The following KATNAL1 variants were observed in gnomAD, a reference collection of about 807,000 sequenced individuals.
KATNAL1 encodes the protein katanin p60 ATPase-containing subunit A-like 1.
A neutral mutation model predicts 55.2 loss-of-function variants in KATNAL1; 32 were observed. That is an observed-to-expected ratio of 0.58 (90% CI 0.44 to 0.78). The LOEUF (loss-of-function observed/expected upper bound fraction) is 0.78. Ranked by LOEUF, KATNAL1 falls within the 30% of genes least tolerant of loss-of-function variation. The pLI is 0.00. For synonymous variants in KATNAL1, 193 were observed against 193.6 expected (o/e 1.00, Z 0.02); for missense variants, 466 against 600.9 (o/e 0.78, Z 2.35).
chr13:30,297,304 A>C (rs1048725293), intron 1 of KATNAL1, among the ~76,000 whole-genome samples: 4 of 152,184 alleles, frequency 2.6e-5, no homozygotes, highest in Non-Finnish European at 4.4e-5. Context: ...CCATCAAGAT[A>C]AGATCCCCCC....
chr13:30,213,762 T>G (rs963252626), intron 9 of KATNAL1, among the ~76,000 whole-genome samples: 2 of 152,204 alleles, frequency 1.3e-5, no homozygotes, highest in East Asian at 3.8e-4. Context: ...TAGGTATTGA[T>G]GGGACGTATC....
chr13:30,267,516 C>A (rs1879870218), intron 3 of KATNAL1, among the ~76,000 whole-genome samples: 1 of 152,180 alleles, frequency 6.6e-6, no homozygotes, highest in Non-Finnish European at 1.5e-5. Flanking sequence ...TTCACATAAA[C>A]CCTACAACTA....
At chr13:30,276,663 GTTTC>G (rs1386553658) in intron 3 of KATNAL1, among the ~76,000 whole-genome samples, 1 of 152,060 alleles carries the variant, frequency 6.6e-6, no homozygotes, top group Non-Finnish European at 1.5e-5. Flanking sequence ...AGCATTTTCA[GTTTC>G]TTTATTCTTC....
chr13:30,231,842 T>A (rs190712018), intron 6 of KATNAL1, among the ~76,000 whole-genome samples: 1 of 152,334 alleles, frequency 6.6e-6, no homozygotes, highest in Admixed American at 6.5e-5. Context: ...AGACATTTTC[T>A]ATCACATGTG....
chr13:30,276,405 A>G (rs1189178185), intron 3 of KATNAL1, among the ~76,000 whole-genome samples: 1 of 152,180 alleles, frequency 6.6e-6, no homozygotes, highest in East Asian at 1.9e-4. Context: ...ATGAAGTGAA[A>G]AGAACAGAAC....
intron 3 of KATNAL1, among the ~76,000 whole-genome samples, chr13:30,269,823 A>G: frequency 6.9e-6 from 1 of 145,576 alleles, no homozygotes; most frequent in Non-Finnish European, 1.5e-5. Context: ...AGAAGTGAGG[A>G]GCCCCTCCGC....
intron 3 of KATNAL1, among the ~76,000 whole-genome samples, chr13:30,276,228 C>G (rs1210489085): frequency 6.6e-6 from 1 of 152,078 alleles, no homozygotes; most frequent in Non-Finnish European, 1.5e-5. Flanking sequence ...TTTGATTTAT[C>G]CAAGCAACTG....
intron 1 of KATNAL1, chr13:30,296,098 C>T (rs1341620368): frequency 1.5e-5 from 5 of 337,020 alleles, no homozygotes; most frequent in African/African-American, 1.1e-4. Context: ...CGGGTCCACG[C>T]ACGTGATCGT....
At chr13:30,267,070 C>T (rs1316613760) in intron 3 of KATNAL1, among the ~76,000 whole-genome samples, 1 of 152,092 alleles carries the variant, frequency 6.6e-6, no homozygotes, top group Non-Finnish European at 1.5e-5. Context: ...ACTACTAAAC[C>T]TTTCACTAAT....
intron 3 of KATNAL1, among the ~76,000 whole-genome samples, chr13:30,276,168 G>C (rs1880827627): frequency 6.6e-6 from 1 of 152,028 alleles, no homozygotes; most frequent in South Asian, 2.1e-4. Flanking sequence ...TACTTTTGTA[G>C]CTCAGTTTCC....
At chr13:30,304,819 G>A (rs962318796) in intron 1 of KATNAL1, among the ~76,000 whole-genome samples, 20 of 152,066 alleles carry the variant, frequency 1.3e-4, no homozygotes, top group African/African-American at 4.1e-4. Context: ...ATAAAAACCA[G>A]CTCCTCCTCA....
chr13:30,276,363 A>G (rs1363748125), intron 3 of KATNAL1, among the ~76,000 whole-genome samples: 1 of 152,212 alleles, frequency 6.6e-6, no homozygotes, highest in Non-Finnish European at 1.5e-5. Context: ...GGTAGTCAGC[A>G]ATAGGAATGG....
chr13:30,208,861 G>C, intron 10 of KATNAL1, 123 bp from the exon 11 acceptor site: 1 of 702,268 alleles, frequency 1.4e-6, no homozygotes, highest in Non-Finnish European at 2.2e-6. Flanking sequence ...AGGCTTCTTA[G>C]AATTTTCCAC....
intron 4 of KATNAL1, among the ~76,000 whole-genome samples, chr13:30,249,284 C>G (rs939612278): frequency 1.3e-5 from 2 of 151,832 alleles, no homozygotes; most frequent in African/African-American, 4.8e-5. Flanking sequence ...TGTGGAGCAA[C>G]TGAAACTTCC....
intron 6 of KATNAL1, among the ~76,000 whole-genome samples, chr13:30,232,857 G>A (rs931373628): frequency 6.6e-6 from 1 of 152,054 alleles, no homozygotes; most frequent in African/African-American, 2.4e-5. Context: ...GGAAAGAACA[G>A]TCTCTTCAAT....
chr13:30,292,442 A>G (rs961430936), intron 1 of KATNAL1, among the ~76,000 whole-genome samples: 1 of 152,120 alleles, frequency 6.6e-6, no homozygotes, highest in Non-Finnish European at 1.5e-5. Flanking sequence ...TAACACCTGC[A>G]AAGGAAGTAG....
At chr13:30,242,616 T>C (rs1355419580) in intron 4 of KATNAL1, among the ~76,000 whole-genome samples, 1 of 152,096 alleles carries the variant, frequency 6.6e-6, no homozygotes, top group Non-Finnish European at 1.5e-5. Flanking sequence ...GTTGAAGATA[T>C]GGGCAGAGGT....
chr13:30,211,882 A>G (rs1873722953), intron 9 of KATNAL1, among the ~76,000 whole-genome samples: 1 of 152,226 alleles, frequency 6.6e-6, no homozygotes, highest in South Asian at 2.1e-4. Flanking sequence ...AAATAGATCA[A>G]TAGTACAGAA....
chr13:30,254,905 C>T (rs750721788), intron 4 of KATNAL1, among the ~76,000 whole-genome samples: 3 of 151,996 alleles, frequency 2.0e-5, no homozygotes, highest in Non-Finnish European at 2.9e-5. Flanking sequence ...CAATTTCCAC[C>T]GAATACTATG....
Sources: allele counts gnomAD v4.1 joint callset (sites outside exome capture counted in the v4.1 genomes callset), GRCh38; gene constraint gnomAD v4.1.1; transcripts MANE v1.5; gene names NCBI Gene and HGNC (gene_info 2026-07-23, HGNC 2026-07-21).